FUT9: variants seen among roughly 807,000 people sequenced by gnomAD.
FUT9 encodes the protein 4-galactosyl-N-acetylglucosaminide 3-alpha-L-fucosyltransferase 9.
Under a neutral mutation model 29.7 loss-of-function variants are expected in FUT9, and 15 were observed. The observed-to-expected ratio is 0.51, with a 90% CI of 0.34 to 0.78. The LOEUF (loss-of-function observed/expected upper bound fraction) is 0.78. Ranked by LOEUF, FUT9 falls within the 30% of genes least tolerant of loss-of-function variation. The pLI is 0.01. For synonymous variants in FUT9, 169 were observed against 153.7 expected (o/e 1.10, Z -0.74); for missense variants, 319 against 425.4 (o/e 0.75, Z 2.20).
rs763652830 is a variant in FUT9, at chr6:96,108,241, A to T, written c.-97-5798A>T. Among the ~76,000 whole-genome samples, 149 of 152,266 alleles carry T rather than the reference A, an allele frequency of 9.8e-4. 1 individual carries two copies. The highest frequency in any genetic ancestry group is 4.3e-4 in the Non-Finnish European group (29 of 68,016). Reference sequence around the variant, plus strand: ...ATTTTCTTTTCCATGTACATTTATGAAAAAGAAATTATTTAGAGCCAAATC... The same window carrying T: ...ATTTTCTTTTCCATGTACATTTATGTAAAAGAAATTATTTAGAGCCAAATC... On this transcript the variant is annotated intron_variant, in intron 1 of 2. Coordinates refer to ENST00000302103, the MANE Select transcript of FUT9 (RefSeq NM_006581.4).
intron 1 of FUT9, among the ~76,000 whole-genome samples, chr6:96,037,736 A>G (rs1157402406): frequency 1.3e-5 from 2 of 152,160 alleles, no homozygotes; most frequent in Non-Finnish European, 2.9e-5. Context: ...TCTTCTCTGC[A>G]GAGAAATGTA....
At chr6:96,188,291 G>A (rs1009983202) in intron 2 of FUT9, among the ~76,000 whole-genome samples, 19 of 151,658 alleles carry the variant, frequency 1.3e-4, no homozygotes, top group African/African-American at 4.6e-4. Flanking sequence ...TTTTAGAGAT[G>A]GGACCTGACT....
intron 1 of FUT9, among the ~76,000 whole-genome samples, chr6:96,106,348 C>T (rs897069801): frequency 7.9e-5 from 12 of 151,914 alleles, no homozygotes; most frequent in Admixed American, 5.9e-4. Context: ...CTTATCTTGA[C>T]GTCATTTAAC....
At chr6:96,022,924 G>A (rs1238767896) in intron 1 of FUT9, among the ~76,000 whole-genome samples, 1 of 151,822 alleles carries the variant, frequency 6.6e-6, no homozygotes, top group Non-Finnish European at 1.5e-5. Context: ...AAGGGCTCCT[G>A]TGAATGGAAG....
At chr6:96,192,099 C>A (rs567978329) in intron 2 of FUT9, among the ~76,000 whole-genome samples, 397 of 152,234 alleles carry the variant, frequency 2.6e-3, no homozygotes, top group African/African-American at 9.3e-3. Context: ...CAACATCACA[C>A]TGAATGGGCA....
At chr6:96,163,587 C>T (rs890744549) in intron 2 of FUT9, among the ~76,000 whole-genome samples, 1 of 152,150 alleles carries the variant, frequency 6.6e-6, no homozygotes, top group Non-Finnish European at 1.5e-5. Context: ...TGTACCTCAC[C>T]GCCGATTTCC....
chr6:96,153,080 C>T (rs905708089), intron 2 of FUT9, among the ~76,000 whole-genome samples: 10 of 152,214 alleles, frequency 6.6e-5, no homozygotes, highest in African/African-American at 2.4e-4. Flanking sequence ...AATGAAGTGC[C>T]TTTAAAAACA....
chr6:96,166,898 T>C (rs1013577768), intron 2 of FUT9, among the ~76,000 whole-genome samples: 17 of 152,182 alleles, frequency 1.1e-4, no homozygotes, highest in African/African-American at 3.9e-4. Context: ...ATGTGAATAG[T>C]TGTCATACTG....
At chr6:96,062,737 A>T (rs1770898330) in intron 1 of FUT9, among the ~76,000 whole-genome samples, 1 of 152,162 alleles carries the variant, frequency 6.6e-6, no homozygotes, top group Admixed American at 6.6e-5. Context: ...ATATTTTACA[A>T]TGAGTAGGTA....
intron 2 of FUT9, among the ~76,000 whole-genome samples, chr6:96,116,263 A>T (rs574288971): frequency 4.7e-4 from 72 of 152,318 alleles, no homozygotes; most frequent in African/African-American, 1.7e-3. Context: ...ATGAATTAAA[A>T]ATCTAACAAT....
At chr6:96,058,445 A>G (rs919525966) in intron 1 of FUT9, among the ~76,000 whole-genome samples, 9 of 122,722 alleles carry the variant, frequency 7.3e-5, no homozygotes, top group African/African-American at 3.0e-4. Context: ...AAAAGTGCAA[A>G]GACTGGGAAC....
chr6:96,173,883 C>A (rs1327093034), intron 2 of FUT9, among the ~76,000 whole-genome samples: 1 of 151,822 alleles, frequency 6.6e-6, no homozygotes, highest in African/African-American at 2.4e-5. Context: ...ATATTGTTGT[C>A]ATTAAAATTT....
At chr6:96,069,270 G>A (rs1441732013) in intron 1 of FUT9, among the ~76,000 whole-genome samples, 1 of 151,494 alleles carries the variant, frequency 6.6e-6, no homozygotes, top group Non-Finnish European at 1.5e-5. Context: ...GCAGTGAGCC[G>A]AGATCGCGCC....
At chr6:96,123,863 A>T (rs1334094142) in intron 2 of FUT9, among the ~76,000 whole-genome samples, 1 of 151,834 alleles carries the variant, frequency 6.6e-6, no homozygotes. Flanking sequence ...TTTCATGAGG[A>T]AGAGGGGGAA....
intron 2 of FUT9, among the ~76,000 whole-genome samples, chr6:96,137,349 T>C (rs1331350729): frequency 2.0e-5 from 3 of 152,092 alleles, no homozygotes; most frequent in African/African-American, 4.8e-5. Context: ...TGCATAGTTA[T>C]ATAAATAAAT....
chr6:96,119,532 CA>C (rs1260173358), intron 2 of FUT9, among the ~76,000 whole-genome samples: 1 of 152,118 alleles, frequency 6.6e-6, no homozygotes. Flanking sequence ...TTTTTTACTT[CA>C]AAATAATTAT....
At chr6:96,173,493 G>A (rs1773150285) in intron 2 of FUT9, among the ~76,000 whole-genome samples, 1 of 152,020 alleles carries the variant, frequency 6.6e-6, no homozygotes, top group Non-Finnish European at 1.5e-5. Flanking sequence ...ATCGTCATAT[G>A]ACCTTGCCTC....
At chr6:96,082,526 A>G (rs554791484) in intron 1 of FUT9, among the ~76,000 whole-genome samples, 8 of 152,036 alleles carry the variant, frequency 5.3e-5, no homozygotes, top group East Asian at 1.9e-4. Context: ...TCTGAATTAT[A>G]TAACAATAGC....
rs891960570 is a variant in FUT9, at chr6:96,040,603, G to T, written c.-98+24391G>T. On this transcript the variant is annotated intron_variant, in intron 1 of 2. Coordinates refer to ENST00000302103, the MANE Select transcript of FUT9 (RefSeq NM_006581.4). ...TAGTATCCTGGCAATCAAGTAGAGG[G>T]TTGGAGTGACTAAACCCAGATACCA... Among the ~76,000 whole-genome samples, 3 of 152,146 alleles carry T rather than the reference G, an allele frequency of 2.0e-5. No homozygotes were observed. The East Asian group carries it at 5.8e-4, about 29-fold the overall frequency.
Sources: allele counts gnomAD v4.1 joint callset (sites outside exome capture counted in the v4.1 genomes callset), GRCh38; gene constraint gnomAD v4.1.1; transcripts MANE v1.5; gene names NCBI Gene and HGNC (gene_info 2026-07-23, HGNC 2026-07-21).